The following PKHD1 variants were observed in gnomAD, a reference collection of about 807,000 sequenced individuals.
The protein encoded by PKHD1 is fibrocystin.
PKHD1 carries 291 observed loss-of-function variants against 412.0 expected under a neutral mutation model. The ratio of observed to expected loss-of-function variants is 0.71; its 90% CI spans 0.64 to 0.78. PKHD1 has a LOEUF of 0.78. Ranked by LOEUF, PKHD1 falls within the 30% of genes least tolerant of loss-of-function variation. PKHD1 has a pLI of 0.00. For synonymous variants in PKHD1, 1,777 were observed against 1,821.5 expected, an observed-to-expected ratio of 0.98 and a Z score of 0.62; for missense variants, 4,825 against 4,950.7, an observed-to-expected ratio of 0.97 and a Z score of 0.76.
chr6:51,936,188 T>A (rs1471755632), intron 36 of PKHD1, among the ~76,000 whole-genome samples: 1 of 152,222 alleles, frequency 6.6e-6, no homozygotes, highest in Non-Finnish European at 1.5e-5. Flanking sequence ...TGAATGGACA[T>A]ATCTTTTTGG....
rs1485642148 is a variant in PKHD1 at position 51,959,998 on chromosome 6, C to T, written c.5780G>A (p.Arg1927Lys). 1 of 1,613,458 alleles carries T rather than the reference C, an allele frequency of 6.2e-7. No homozygotes were observed. Among genetic ancestry groups the T allele is most frequent in the East Asian group, 2.2e-5 (1 of 44,856 alleles). Residue 1927 changes from arginine (R) to lysine (K), a missense_variant, in exon 36 of 67, where the codon AGA becomes AAA. Transcript: ENST00000371117. Reference protein sequence around the residue: ...QGNFSLQFCRRWSRTHSWFPE... With the variant: ...QGNFSLQFCRKWSRTHSWFPE... The stretch of plus-strand genomic sequence containing the variant: ...AAACCAGCTGTGAGTCCTGGACCAT[C>T]TCCGGCAGAACTGTAAAGAAAAGTT...
At chr6:52,085,593 G>A (rs1435774586) in intron 1 of PKHD1, among the ~76,000 whole-genome samples, 1 of 152,138 alleles carries the variant, frequency 6.6e-6, no homozygotes, top group East Asian at 1.9e-4. Context: ...CGCCATTCCA[G>A]TGCTCACCAC....
intron 61 of PKHD1, among the ~76,000 whole-genome samples, chr6:51,650,929 G>A (rs1252641371): frequency 2.0e-5 from 3 of 152,008 alleles, no homozygotes; most frequent in African/African-American, 4.8e-5. Flanking sequence ...ATCCTTCTGT[G>A]GGTTCCAGGT....
At chr6:51,653,137 T>C (rs1388008941) in intron 61 of PKHD1, among the ~76,000 whole-genome samples, 1 of 152,166 alleles carries the variant, frequency 6.6e-6, no homozygotes, top group Admixed American at 6.6e-5. Flanking sequence ...TTCAAGGCAC[T>C]GTGAGATATG....
intron 35 of PKHD1, chr6:51,975,677 A>C (rs574767933): frequency 6.6e-5 from 10 of 151,144 alleles, no homozygotes; most frequent in Non-Finnish European, 1.0e-4. Context: ...AGTGTTGCCT[A>C]TAGTCCCAGC....
intron 60 of PKHD1, among the ~76,000 whole-genome samples, chr6:51,661,564 AAGT>A (rs1772875861): frequency 6.6e-6 from 1 of 152,046 alleles, no homozygotes; most frequent in Non-Finnish European, 1.5e-5. Context: ...GGAAAGAAGA[AAGT>A]AGTAACTTCG....
intron 43 of PKHD1, among the ~76,000 whole-genome samples, chr6:51,895,909 C>T (rs1046412309): frequency 2.6e-5 from 4 of 151,788 alleles, no homozygotes; most frequent in Non-Finnish European, 5.9e-5. Flanking sequence ...GGGTGATGGA[C>T]GGCACCTGGA....
chr6:51,968,386 T>C (rs1292977909), intron 35 of PKHD1, among the ~76,000 whole-genome samples: 2 of 152,150 alleles, frequency 1.3e-5, no homozygotes, highest in African/African-American at 4.8e-5. Context: ...GGTGGTTCCC[T>C]CCCTTTTCTT....
chr6:51,903,938 C>T, intron 42 of PKHD1, 48 bp downstream of exon 42: 1 of 1,307,586 alleles, frequency 7.6e-7, no homozygotes, highest in Non-Finnish European at 1.1e-6. Flanking sequence ...AAATATATGA[C>T]AATTTTAAAT....
intron 48 of PKHD1, among the ~76,000 whole-genome samples, chr6:51,861,474 C>T (rs1324228465): frequency 6.6e-6 from 1 of 152,182 alleles, no homozygotes; most frequent in African/African-American, 2.4e-5. Context: ...CACCACAATA[C>T]CTAACCTCAA....
At position 51,639,017 on chromosome 6, in the gene PKHD1, A is replaced by G. The variant is rs539780223; in HGVS notation, c.11399-61T>C. ...TTATCTAATCTCGAACAATGTCTTC[A>G]TGTCTTCTGCGAAGGCAGACATTTG... On this transcript the variant is annotated intron_variant, in intron 63 of 66. Coordinates refer to ENST00000371117, the MANE Select transcript of PKHD1 (RefSeq NM_138694.4). The G allele has an allele frequency of 1.1e-4, 137 of 1,208,750 alleles. 1 individual carries two copies. In the Middle Eastern group the frequency reaches 1.7e-3, roughly 15 times the overall value. The allele number at this position is 1,208,750 out of a possible 1,614,324, so 74.9% of individuals were successfully genotyped here. A position where few individuals can be genotyped will look rare whatever the true frequency, so the allele number is the denominator to read the frequency against.
At position 52,070,355 on chromosome 6, in the gene PKHD1, G is replaced by A. The variant is rs1235000301; in HGVS notation, c.707+51C>T. 3 of 1,050,076 alleles carry A rather than the reference G, an allele frequency of 2.9e-6. No homozygotes were observed. In the East Asian group the frequency reaches 7.1e-5, roughly 25 times the overall value. 65.0% of individuals were successfully genotyped at this position (1,050,076 alleles called of 1,614,324 possible). On this transcript the variant is annotated intron_variant, in intron 10 of 66. Transcript: ENST00000371117. Reference sequence around the variant, plus strand: ...GAAAGTAAGCAAGATGAGAGAGATAGGTAATATAAAATGAAGACAAATTTG... The same window carrying A: ...GAAAGTAAGCAAGATGAGAGAGATAAGTAATATAAAATGAAGACAAATTTG...
Position 52,058,510 on chromosome 6 carries a change from G to A in PKHD1, c.1325C>T (p.Pro442Leu), listed in dbSNP as rs1199655735. ...RDEGTWQQKT[P>L]KLELLGGAMY... ...GGCTCCACCCAACAGCTCCAACTTG[G>A]GAGTCTTCTGCTGCCAGGTCCCTTC... is the stretch of plus-strand genomic sequence containing the variant. Residue 442 changes from proline to leucine, a missense_variant, in exon 16 of 67, where the codon CCC becomes CTC. Physicochemically the swap from Pro to Leu is moderately conservative, Grantham distance 98. Coordinates refer to ENST00000371117, the MANE Select transcript of PKHD1 (RefSeq NM_138694.4). 1 of 1,614,020 alleles carries A rather than the reference G, an allele frequency of 6.2e-7. No individual in the cohort carries two copies. Among genetic ancestry groups the A allele is most frequent in the African/African-American group, 1.3e-5 (1 of 74,896 alleles).
At chr6:52,039,015 T>C (rs1804394330) in intron 27 of PKHD1, among the ~76,000 whole-genome samples, 1 of 152,204 alleles carries the variant, frequency 6.6e-6, no homozygotes, top group Admixed American at 6.5e-5. Flanking sequence ...CCAAAATACT[T>C]TAAGAACTTA....
chr6:52,059,667 A>C (rs1808376667), intron 15 of PKHD1, among the ~76,000 whole-genome samples: 1 of 152,228 alleles, frequency 6.6e-6, no homozygotes, highest in Non-Finnish European at 1.5e-5. Context: ...ATATACATAC[A>C]TACATACATT....
intron 52 of PKHD1, among the ~76,000 whole-genome samples, chr6:51,794,588 T>G (rs1020179376): frequency 1.8e-4 from 27 of 152,222 alleles, no homozygotes; most frequent in African/African-American, 6.0e-4. Context: ...TCATGAAATC[T>G]TCACCTGTGC....
intron 55 of PKHD1, among the ~76,000 whole-genome samples, chr6:51,757,522 G>A (rs547507439): frequency 2.0e-5 from 3 of 152,008 alleles, no homozygotes; most frequent in Non-Finnish European, 2.9e-5. Context: ...AGTCACTACG[G>A]TCACTATGCC....
chr6:51,760,044 T>C (rs1787728534), intron 55 of PKHD1, among the ~76,000 whole-genome samples: 1 of 152,122 alleles, frequency 6.6e-6, no homozygotes, highest in South Asian at 2.1e-4. Flanking sequence ...TTTTAGAGGT[T>C]ACATATGTGA....
In PKHD1 at chr6:52,050,291, A is replaced by G; in HGVS notation, c.2145T>C (p.Ser715=). ...GGCGAGCCGTTCCAGAATCAGCTTG[A>G]GAAACTAGAGACCAGTGATCCAATT... The part of the protein sequence containing the change: ...IIIADTNVTV[S]QADSGTARPG... Residue 715 remains serine (S), a synonymous_variant, in exon 22 of 67, where the codon TCT becomes TCC. Coordinates refer to ENST00000371117, the MANE Select transcript of PKHD1 (RefSeq NM_138694.4). The G allele has an allele frequency of 1.2e-6, 2 of 1,614,164 alleles. No individual in the cohort carries two copies. Among genetic ancestry groups the G allele is most frequent in the Non-Finnish European group, 1.7e-6 (2 of 1,179,992 alleles).
Sources: allele counts gnomAD v4.1 joint callset (sites outside exome capture counted in the v4.1 genomes callset), GRCh38; gene constraint gnomAD v4.1.1; transcripts MANE v1.5; gene names NCBI Gene and HGNC (gene_info 2026-07-23, HGNC 2026-07-21).